Variants in CACNA2D2 observed in about 807,000 individuals in gnomAD.
CACNA2D2 encodes voltage-dependent calcium channel subunit alpha-2/delta-2.
Under a neutral mutation model 166.4 loss-of-function variants are expected in CACNA2D2, and 48 were observed. The ratio of observed to expected loss-of-function variants is 0.29; its 90% confidence interval spans 0.23 to 0.37. CACNA2D2 has a LOEUF of 0.37. CACNA2D2 is among the 10% of genes least tolerant of loss of function. The pLI is 1.00. For synonymous variants in CACNA2D2, 561 were observed against 573.7 expected (o/e 0.98, Z 0.32); for missense variants, 1,122 against 1,433.0 (o/e 0.78, Z 3.50).
chr3:50,487,265 T>G (rs1698328179), intron 1 of CACNA2D2, among the ~76,000 whole-genome samples: 1 of 152,202 alleles, frequency 6.6e-6, no homozygotes, highest in Admixed American at 6.5e-5. Context: ...CTTTTCCAAC[T>G]TTGAGAAGGG....
chr3:50,379,766 G>A lies in CACNA2D2; in HGVS notation c.952C>T (p.Leu318=). 6.2e-7 allele frequency: 1 copy of A among 1,613,948 alleles called. No individual in the cohort carries two copies. Among genetic ancestry groups the A allele is most frequent in the Admixed American group, 1.7e-5 (1 of 60,028 alleles). The change falls in exon 10 of 38, where the codon CTG becomes TTG. Residue 318 remains leucine (L), a synonymous_variant. Coordinates refer to ENST00000424201, the MANE Select transcript of CACNA2D2 (RefSeq NM_006030.4). The surrounding 1 kb of genome is among the most constrained non-coding windows in gnomAD (Gnocchi z 6.5). ...TAGTCATCATCAGACAGCGTGTCCA[G>A]CATCTCGCAGACAGATGTCTTCATC... ...KLMKTSVCEM[L]DTLSDDDYVN...
intron 1 of CACNA2D2, among the ~76,000 whole-genome samples, chr3:50,500,138 G>A (rs758621790): frequency 2.0e-5 from 3 of 152,216 alleles, no homozygotes; most frequent in African/African-American, 4.8e-5. Flanking sequence ...CTACACTGAC[G>A]CATGCCCTGT....
chr3:50,407,108 A>G (rs1219100558), intron 3 of CACNA2D2, among the ~76,000 whole-genome samples: 2 of 151,694 alleles, frequency 1.3e-5, no homozygotes, highest in African/African-American at 4.8e-5. Context: ...CACTCTTACT[A>G]AACACACCAC....
intron 1 of CACNA2D2, among the ~76,000 whole-genome samples, chr3:50,500,499 CAG>C (rs1462858987): frequency 3.3e-5 from 5 of 152,110 alleles, no homozygotes; most frequent in South Asian, 2.1e-4. Context: ...AGAAGGGGGA[CAG>C]GGGAAGAGGG....
intron 22 of CACNA2D2, 86 bp downstream of exon 22, chr3:50,374,651 A>G: frequency 2.7e-6 from 4 of 1,467,906 alleles, no homozygotes; most frequent in Non-Finnish European, 3.7e-6. Flanking sequence ...CTCGCCGGCA[A>G]GCGGCGCTGG....
intron 1 of CACNA2D2, among the ~76,000 whole-genome samples, chr3:50,491,424 C>T (rs1190955486): frequency 6.6e-6 from 1 of 152,146 alleles, no homozygotes; most frequent in East Asian, 1.9e-4. Flanking sequence ...CTGTACAAGC[C>T]CCTAGGGCTT....
At position 50,375,940 on chromosome 3, in the gene CACNA2D2, C is replaced by A. The variant is rs774959130; in HGVS notation, c.1773+23G>T. ...TACACTCCTCTGCTCTGTCCCCCAC[C>A]CCTGTTCTCCTCCTCTCCTTACCTC... is the stretch of plus-strand genomic sequence containing the variant. On this transcript the variant is annotated intron_variant, in intron 19 of 37. Transcript: ENST00000424201. This position sits in a 1 kb window ranked among gnomAD's most constrained non-coding sequence, Gnocchi z 4.0. The A allele has an allele frequency of 8.7e-6, 14 of 1,612,464 alleles. No individual in the cohort carries two copies. Among genetic ancestry groups the A allele is most frequent in the Non-Finnish European group, 1.2e-5 (14 of 1,179,368 alleles).
At chr3:50,384,086 G>A (rs1705462165) in intron 6 of CACNA2D2, 110 bp downstream of exon 6, 1 of 1,349,316 alleles carries the variant, frequency 7.4e-7, no homozygotes, top group Non-Finnish European at 1.0e-6. Context: ...GTAGGAGGCT[G>A]GAGGTAGATG....
chr3:50,460,479 T>C (rs1440199864), intron 2 of CACNA2D2, among the ~76,000 whole-genome samples: 1 of 152,246 alleles, frequency 6.6e-6, no homozygotes, highest in Non-Finnish European at 1.5e-5. Context: ...AAAAAGTTTT[T>C]TTTTTAATCT....
At position 50,366,530 on chromosome 3, in the gene CACNA2D2, T is replaced by C. The variant is rs1704302458; in HGVS notation, c.2637+48A>G. 3 of 1,602,748 alleles carry C rather than the reference T, an allele frequency of 1.9e-6. No individual in the cohort carries two copies. Among genetic ancestry groups the C allele is most frequent in the Non-Finnish European group, 2.6e-6 (3 of 1,169,700 alleles). Reference sequence around the variant, plus strand: ...GAGTCGCGGCTGGGACTAGGAAGTCTGGAAGTGGGGTAAGCTAGGGTCCAG... The same window carrying C: ...GAGTCGCGGCTGGGACTAGGAAGTCCGGAAGTGGGGTAAGCTAGGGTCCAG... On this transcript the variant is annotated intron_variant, in intron 30 of 37. Transcript: ENST00000424201. This position sits in a 1 kb window ranked among gnomAD's most constrained non-coding sequence, Gnocchi z 5.9.
At chr3:50,435,183 C>T (rs970589480) in intron 2 of CACNA2D2, among the ~76,000 whole-genome samples, 9 of 151,210 alleles carry the variant, frequency 6.0e-5, no homozygotes, top group African/African-American at 2.2e-4. Flanking sequence ...TTTGTGTGCA[C>T]GTGCCTGCGT....
rs57886892 is a variant in CACNA2D2, at chr3:50,489,616, A to ACTGGGGCTGGGG, written c.207-13429_207-13418dup. On this transcript the variant is annotated intron_variant, in intron 1 of 37. Transcript: ENST00000424201. Reference sequence around the variant, plus strand: ...GGTGGGGCTGCCGGGAGCCTCCAAAACTGGGGCTGGGGCTGGGGCTGGGGC... The same window carrying ACTGGGGCTGGGG: ...GGTGGGGCTGCCGGGAGCCTCCAAAACTGGGGCTGGGGCTGGGGCTGGGGCTGGGGCTGGGGC... Among the ~76,000 whole-genome samples the ACTGGGGCTGGGG allele has an allele frequency of 1.1e-3, 144 of 135,682 alleles. 1 individual carries two copies. Among genetic ancestry groups the ACTGGGGCTGGGG allele is most frequent in the African/African-American group, 2.0e-3 (71 of 35,484 alleles). The allele number at this position is 135,682 out of a possible 152,430, so 89.0% of individuals were successfully genotyped here.
intron 1 of CACNA2D2, among the ~76,000 whole-genome samples, chr3:50,482,068 C>A (rs1308919062): frequency 1.3e-5 from 2 of 152,200 alleles, no homozygotes; most frequent in African/African-American, 4.8e-5. Flanking sequence ...CCTGTTACCT[C>A]CCACCTCAGC....
At chr3:50,430,911 C>T (rs975804015) in intron 3 of CACNA2D2, among the ~76,000 whole-genome samples, 1 of 152,196 alleles carries the variant, frequency 6.6e-6, no homozygotes, top group Non-Finnish European at 1.5e-5. Context: ...ATGCTGGTTG[C>T]TTGCATTGCA....
intron 2 of CACNA2D2, among the ~76,000 whole-genome samples, chr3:50,435,266 G>A (rs913850262): frequency 6.6e-6 from 1 of 151,938 alleles, no homozygotes; most frequent in African/African-American, 2.4e-5. Flanking sequence ...ATTTCTGCAA[G>A]TGTCTTTGTT....
chr3:50,498,722 G>A (rs902967247), intron 1 of CACNA2D2, among the ~76,000 whole-genome samples: 1 of 152,200 alleles, frequency 6.6e-6, no homozygotes, highest in African/African-American at 2.4e-5. Context: ...GACAGACAGG[G>A]CAAAGTTACA....
At position 50,384,241 on chromosome 3, in the gene CACNA2D2, A is replaced by G. The variant is rs189497444; in HGVS notation, c.607T>C (p.Tyr203His). 8 of 1,614,182 alleles carry G rather than the reference A, an allele frequency of 5.0e-6. No individual in the cohort carries two copies. In the East Asian group the frequency reaches 1.3e-4, roughly 27 times the overall value. The part of the protein sequence containing the change: ...EDPNFKNKVN[Y>H]SYAAVQIPTD... ...GGGATCTGTACAGCCGCGTATGAAT[A>G]GTTGACCTTGTTCTTGAAGTTTGGG... Residue 203 changes from tyrosine to histidine, a missense_variant, in exon 6 of 38, where the codon TAT becomes CAT. This residue lies in a region of CACNA2D2 where 840 missense variants were observed against 1,166.8 expected (regional missense o/e 0.72). Transcript: ENST00000424201.
At chr3:50,371,858 G>A (rs1704670249) in intron 22 of CACNA2D2, among the ~76,000 whole-genome samples, 1 of 152,126 alleles carries the variant, frequency 6.6e-6, no homozygotes, top group African/African-American at 2.4e-5. Flanking sequence ...GCATTTCTGG[G>A]GTCACTGGGT....
rs767280550 is a variant in CACNA2D2 at position 50,365,707 on chromosome 3, C to A, written c.2916-19G>T. 1 of 1,594,358 alleles carries A rather than the reference C, an allele frequency of 6.3e-7. No individual in the cohort carries two copies. Among genetic ancestry groups the A allele is most frequent in the Non-Finnish European group, 8.5e-7 (1 of 1,170,900 alleles). On this transcript the variant is annotated intron_variant, in intron 33 of 37. Coordinates refer to ENST00000424201, the MANE Select transcript of CACNA2D2 (RefSeq NM_006030.4). This position sits in a 1 kb window ranked among gnomAD's most constrained non-coding sequence, Gnocchi z 4.5. ...CAGGGACCTGCAGCGCACGGGGAGC[C>A]GAGTGCAGGTGGTCAGCAGAGGACG...
Sources: allele counts gnomAD v4.1 joint callset (sites outside exome capture counted in the v4.1 genomes callset), GRCh38; gene constraint gnomAD v4.1.1; regional missense constraint gnomAD v4.1.1; non-coding constraint Gnocchi (gnomAD v3.1); transcripts MANE v1.5; gene names NCBI Gene and HGNC (gene_info 2026-07-23, HGNC 2026-07-21).